Variants in FHL1 observed in about 807,000 individuals in gnomAD.
FHL1 encodes four and a half LIM domains protein 1.
Under a neutral mutation model 20.3 loss-of-function variants are expected in FHL1, and 1 was observed. The ratio of observed to expected loss-of-function variants is 0.05; its 90% CI spans 0.02 to 0.23. The LOEUF is 0.23. FHL1 is among the 10% of genes least tolerant of loss of function. The pLI, the probability that FHL1 is intolerant of heterozygous loss-of-function variation, is 1.00. For missense variants in FHL1, 177 were observed against 234.0 expected, an observed-to-expected ratio of 0.76 and a Z score of 1.59; for synonymous variants, 82 against 88.9, an observed-to-expected ratio of 0.92 and a Z score of 0.44.
upstream of FHL1, among the ~76,000 whole-genome samples, chrX:136,164,801 T>C (rs1162398244): frequency 6.2e-5 from 7 of 112,222 alleles, no homozygotes; most frequent in Non-Finnish European, 1.1e-4. Context: ...CAAAGTTGCA[T>C]ATATTCCTAT....
chrX:136,173,052 A>C (rs1215962337), intron 2 of FHL1, among the ~76,000 whole-genome samples: 2 of 112,717 alleles, frequency 1.8e-5, no homozygotes, highest in African/African-American at 6.4e-5. Context: ...CTTTTAAGTG[A>C]TGGTGTGTCC....
intron 2 of FHL1, among the ~76,000 whole-genome samples, chrX:136,170,740 C>T (rs1240151396): frequency 4.5e-5 from 5 of 110,635 alleles, no homozygotes; most frequent in Non-Finnish European, 9.4e-5. Flanking sequence ...TTTGGTGCCC[C>T]GGTCTCTGTG....
chrX:136,209,660 CGGCGGCATGGGGGACAAT>C (rs1270469409), intron 5 of FHL1, among the ~76,000 whole-genome samples, 193 bp from the exon 6 acceptor site: 1 of 109,966 alleles, frequency 9.1e-6, no homozygotes, highest in Non-Finnish European at 1.9e-5. Context: ...AGCAGGGTTG[CGGCGGCATGGGGGACAAT>C]GGCGGCGTGG....
intron 2 of FHL1, among the ~76,000 whole-genome samples, chrX:136,178,078 T>C (rs769915527): frequency 1.6e-4 from 18 of 112,139 alleles, no homozygotes; most frequent in African/African-American, 5.8e-4. Flanking sequence ...AAAGCTTTTA[T>C]GGAAATCACA....
Position 136,209,299 on chromosome X carries a change from G to A in FHL1, c.737-572G>A, listed in dbSNP as rs373785682. The A allele has an allele frequency of 5.0e-6, 6 of 1,211,285 alleles. No homozygotes were observed. The highest frequency in any genetic ancestry group is 6.7e-6 in the Non-Finnish European group (6 of 895,373). Reference sequence around the variant, plus strand: ...AGTCTCTAAAGCTAGGAAGCCCCCAGTGTGCCACGGGAAACGCTTGCCTCT... The same window carrying A: ...AGTCTCTAAAGCTAGGAAGCCCCCAATGTGCCACGGGAAACGCTTGCCTCT... On this transcript the variant is annotated intron_variant, in intron 5 of 5. Transcript: ENST00000370683.
chrX:136,208,324 C>A, intron 4 of FHL1, 131 bp from the exon 5 acceptor site: 1 of 697,385 alleles, frequency 1.4e-6, no homozygotes, highest in Non-Finnish European at 2.3e-6. Flanking sequence ...ATAGCCCCTG[C>A]CTCCCATGGC....
At chrX:136,177,096 A>G (rs1315437505) in intron 2 of FHL1, among the ~76,000 whole-genome samples, 2 of 111,046 alleles carry the variant, frequency 1.8e-5, no homozygotes, top group African/African-American at 6.5e-5. Flanking sequence ...AGTATTATTT[A>G]GTTAATGTGA....
At chrX:136,206,726 C>T (rs1450552195) in intron 2 of FHL1, 138 bp downstream of exon 2, 1 of 853,687 alleles carries the variant, frequency 1.2e-6, no homozygotes, top group Non-Finnish European at 1.7e-6. Context: ...GAAGCCTCCT[C>T]CACTCCCCAG....
rs2072983146 is a variant in FHL1, at chrX:136,175,633, C to A, written c.-27+5653C>A. 2.7e-5 allele frequency among the ~76,000 whole-genome samples: 3 copies of A among 112,456 alleles called. No homozygotes were observed. The South Asian group carries it at 1.1e-3, about 41-fold the overall frequency. On this transcript the variant is annotated intron_variant, in intron 2 of 6. Coordinates refer to the FHL1 transcript ENST00000394153. Reference sequence around the variant, plus strand: ...TTTGATTGAGTAGATTATGATACATCTATGCAGTGGAATTTCATGAATCTG... The same window carrying A: ...TTTGATTGAGTAGATTATGATACATATATGCAGTGGAATTTCATGAATCTG...
At chrX:136,184,950 G>C (rs2073251040) in intron 2 of FHL1, among the ~76,000 whole-genome samples, 1 of 111,808 alleles carries the variant, frequency 8.9e-6, no homozygotes, top group Non-Finnish European at 1.9e-5. Context: ...TGGCTTGTAA[G>C]CAATTCAGCA....
At chrX:136,186,853 CAAA>C (rs1158651934) in intron 2 of FHL1, among the ~76,000 whole-genome samples, 27 of 21,582 alleles carry the variant, frequency 1.3e-3, no homozygotes, top group African/African-American at 2.7e-3. Context: ...GACTCCATCT[CAAA>C]AAAAAAAAAA....
intron 2 of FHL1, chrX:136,170,083 G>A (rs375321920): frequency 3.4e-6 from 1 of 291,559 alleles, no homozygotes; most frequent in African/African-American, 2.8e-5. Context: ...GTACCAGGAG[G>A]TTTCAGAAGG....
At chrX:136,208,076 G>A (rs942543437) in intron 4 of FHL1, 115 bp downstream of exon 4, 1 of 931,607 alleles carries the variant, frequency 1.1e-6, no homozygotes. Context: ...CTGTGACGTA[G>A]GAATTATTAT....
At chrX:136,173,696 CTTTTTTTTTTT>C (rs971227072) in intron 2 of FHL1, among the ~76,000 whole-genome samples, 1 of 94,926 alleles carries the variant, frequency 1.1e-5, no homozygotes, top group Non-Finnish European at 2.1e-5. Flanking sequence ...TGTTTCTTTT[CTTTTTTTTTTT>C]TTTTTTCCTG....
chrX:136,183,737 G>T (rs1292232409), intron 2 of FHL1, among the ~76,000 whole-genome samples: 1 of 111,767 alleles, frequency 8.9e-6, no homozygotes, highest in East Asian at 2.8e-4. Flanking sequence ...CATAAAAATT[G>T]ATGGGACCAT....
chrX:136,191,550 C>T (rs1402276128), intron 2 of FHL1, among the ~76,000 whole-genome samples: 1 of 112,079 alleles, frequency 8.9e-6, no homozygotes, highest in Non-Finnish European at 1.9e-5. Context: ...CAGAGAACCA[C>T]TCATGAGTCT....
At chrX:136,206,682 C>T in intron 2 of FHL1, 94 bp downstream of exon 2, 1 of 1,084,506 alleles carries the variant, frequency 9.2e-7, no homozygotes, top group Non-Finnish European at 1.3e-6. Flanking sequence ...GTTAGGATTT[C>T]CCAGCATCAC....
At chrX:136,186,632 G>A (rs1177378219) in intron 2 of FHL1, among the ~76,000 whole-genome samples, 1 of 110,466 alleles carries the variant, frequency 9.1e-6, no homozygotes, top group East Asian at 2.8e-4. Context: ...GGAGACCGAG[G>A]TGGGTGGGTC....
chrX:136,180,491 T>G (rs1343070187), intron 2 of FHL1, among the ~76,000 whole-genome samples: 1 of 112,209 alleles, frequency 8.9e-6, no homozygotes, highest in Non-Finnish European at 1.9e-5. Flanking sequence ...CTAAAGGTCA[T>G]GGATTGAATA....
Sources: gnomAD v4.1 joint callset for allele counts (sites outside exome capture counted in the v4.1 genomes callset) on GRCh38, gnomAD v4.1.1 for gene constraint, MANE v1.5 for transcripts, NCBI Gene and HGNC (gene_info 2026-07-23, HGNC 2026-07-21) for gene names.